MEIS2: variants seen among roughly 807,000 people sequenced by gnomAD.
The protein encoded by MEIS2 is homeobox protein Meis2.
A neutral mutation model predicts 58.6 loss-of-function variants in MEIS2; 9 were observed. The ratio of observed to expected loss-of-function variants is 0.15; its 90% confidence interval spans 0.09 to 0.27. The LOEUF is 0.27. Among genes scored for constraint, MEIS2 ranks in the 10% least tolerant of loss-of-function variants. The pLI is 1.00. For missense variants in MEIS2, 427 were observed against 635.0 expected, an observed-to-expected ratio of 0.67 and a Z score of 3.52; for synonymous variants, 221 against 228.4, an observed-to-expected ratio of 0.97 and a Z score of 0.29.
At chr15:36,972,068 A>T (rs2059589474) in intron 8 of MEIS2, among the ~76,000 whole-genome samples, 1 of 152,228 alleles carries the variant, frequency 6.6e-6, no homozygotes, top group African/African-American at 2.4e-5. Context: ...GAAACTATAA[A>T]TGTAAAACTA....
At chr15:36,919,360 C>T (rs920006263) in intron 9 of MEIS2, among the ~76,000 whole-genome samples, 8 of 152,080 alleles carry the variant, frequency 5.3e-5, no homozygotes, top group Non-Finnish European at 8.8e-5. Flanking sequence ...GGGTGGATCA[C>T]CTGAGGTCAG....
At chr15:36,997,596 C>T (rs2060569529) in intron 8 of MEIS2, among the ~76,000 whole-genome samples, 2 of 151,760 alleles carry the variant, frequency 1.3e-5, no homozygotes, top group South Asian at 4.2e-4. Context: ...ACGCCATTCT[C>T]CTGCCTTGGA....
intron 7 of MEIS2, among the ~76,000 whole-genome samples, chr15:37,064,877 T>C (rs1889708137): frequency 6.6e-6 from 1 of 152,196 alleles, no homozygotes; most frequent in Non-Finnish European, 1.5e-5. Context: ...AAATTATCTA[T>C]TGTCTGGTAT....
intron 11 of MEIS2, among the ~76,000 whole-genome samples, chr15:36,893,663 G>A (rs773906195): frequency 1.3e-5 from 2 of 152,090 alleles, no homozygotes; most frequent in Non-Finnish European, 2.9e-5. Context: ...GAAATTATAT[G>A]GCCTATATTA....
intron 8 of MEIS2, among the ~76,000 whole-genome samples, chr15:37,031,485 G>C (rs968924890): frequency 6.9e-6 from 1 of 144,604 alleles, no homozygotes; most frequent in Admixed American, 7.0e-5. Context: ...CTAAGTTTAC[G>C]GTCATATGGT....
At chr15:36,973,615 T>C (rs8033989) in intron 8 of MEIS2, among the ~76,000 whole-genome samples, 34,737 of 152,094 alleles carry the variant, frequency 0.23, 4,457 homozygotes, top group Non-Finnish European at 0.29. Flanking sequence ...CGAATTGCCA[T>C]GGTAAAATAC....
intron 8 of MEIS2, among the ~76,000 whole-genome samples, chr15:36,994,662 T>C (rs1381342598): frequency 2.0e-5 from 3 of 152,230 alleles, no homozygotes; most frequent in Non-Finnish European, 2.9e-5. Flanking sequence ...ATGGAAAAGA[T>C]GTGAAAGGTT....
At chr15:36,907,090 T>A (rs920943381) in intron 9 of MEIS2, among the ~76,000 whole-genome samples, 1 of 152,230 alleles carries the variant, frequency 6.6e-6, no homozygotes, top group African/African-American at 2.4e-5. Flanking sequence ...AGAGAGTTTT[T>A]AAAACTGGAA....
At chr15:36,959,893 C>T (rs1186768791) in intron 8 of MEIS2, among the ~76,000 whole-genome samples, 1 of 152,062 alleles carries the variant, frequency 6.6e-6, no homozygotes, top group Admixed American at 6.6e-5. Flanking sequence ...AACTGAGATA[C>T]TTGTATCTAA....
intron 8 of MEIS2, among the ~76,000 whole-genome samples, chr15:36,953,069 T>C (rs1277355847): frequency 2.0e-5 from 3 of 152,136 alleles, no homozygotes; most frequent in Non-Finnish European, 2.9e-5. Context: ...CTTTTATACA[T>C]GGGGTGGACT....
chr15:37,075,844 G>A (rs1042632330), intron 7 of MEIS2, among the ~76,000 whole-genome samples: 3 of 151,894 alleles, frequency 2.0e-5, no homozygotes, highest in African/African-American at 7.3e-5. Context: ...TCATCTGTAC[G>A]AATTTCCAAG....
intron 8 of MEIS2, among the ~76,000 whole-genome samples, chr15:37,008,134 T>C (rs181229550): frequency 6.6e-6 from 1 of 152,314 alleles, no homozygotes. Flanking sequence ...ATATTTCAAT[T>C]TTTTTCCACT....
intron 8 of MEIS2, among the ~76,000 whole-genome samples, chr15:37,023,629 T>G (rs1163397596): frequency 6.6e-6 from 1 of 152,170 alleles, no homozygotes; most frequent in Admixed American, 6.5e-5. Context: ...TTTCCTGTTG[T>G]CTGCTTTAGT....
chr15:37,038,217 A>G lies in MEIS2; in HGVS notation c.755-1258T>C, dbSNP rs368827088. On this transcript the variant is annotated intron_variant, in intron 7 of 11. Coordinates refer to ENST00000561208, the MANE Select transcript of MEIS2 (RefSeq NM_170675.5). ...CCTAAAACAATAAACTCTGTGCTCAATGTAGCCTGAGCTGGATGCTCTGTA... is the reference window on the plus strand; with the variant it reads ...CCTAAAACAATAAACTCTGTGCTCAGTGTAGCCTGAGCTGGATGCTCTGTA... 1.3e-4 allele frequency among the ~76,000 whole-genome samples: 20 copies of G among 152,348 alleles called. No individual in the cohort carries two copies. In the East Asian group the frequency reaches 2.5e-3, roughly 19 times the overall value.
chr15:37,038,771 T>C (rs2062278835), intron 7 of MEIS2, among the ~76,000 whole-genome samples: 2 of 152,230 alleles, frequency 1.3e-5, no homozygotes, highest in African/African-American at 2.4e-5. Context: ...CTAGTTTTCA[T>C]CTGTCACCCT....
intron 8 of MEIS2, among the ~76,000 whole-genome samples, chr15:37,011,958 G>T (rs1468129063): frequency 6.6e-6 from 1 of 152,112 alleles, no homozygotes; most frequent in African/African-American, 2.4e-5. Context: ...AATAAAGATA[G>T]TTGTGGCTTG....
At chr15:36,963,008 G>A (rs1173620237) in intron 8 of MEIS2, among the ~76,000 whole-genome samples, 1 of 152,200 alleles carries the variant, frequency 6.6e-6, no homozygotes, top group Non-Finnish European at 1.5e-5. Context: ...TAGGAGGAAT[G>A]AAAATTATCT....
At chr15:37,064,054 G>A (rs541686650) in intron 7 of MEIS2, among the ~76,000 whole-genome samples, 2 of 152,058 alleles carry the variant, frequency 1.3e-5, no homozygotes, top group African/African-American at 2.4e-5. Flanking sequence ...AATGATATGC[G>A]AAGACAGCAT....
chr15:37,081,905 T>C (rs372452459), intron 7 of MEIS2, among the ~76,000 whole-genome samples: 44 of 152,144 alleles, frequency 2.9e-4, no homozygotes, highest in African/African-American at 9.9e-4. Flanking sequence ...TTCTTCTCTT[T>C]CCTAAAAAAC....
Sources: allele counts gnomAD v4.1 joint callset (sites outside exome capture counted in the v4.1 genomes callset), GRCh38; gene constraint gnomAD v4.1.1; transcripts MANE v1.5; gene names NCBI Gene and HGNC (gene_info 2026-07-23, HGNC 2026-07-21).